Variants in CLNK observed in about 807,000 individuals in gnomAD.
The protein encoded by CLNK is cytokine-dependent hematopoietic cell linker.
A neutral mutation model predicts 68.6 loss-of-function variants in CLNK; 74 were observed. That is an observed-to-expected ratio of 1.08 (90% CI 0.89 to 1.31). The LOEUF (loss-of-function observed/expected upper bound fraction) is 1.31. CLNK is among the 50% of genes most tolerant of loss of function. The pLI is 0.00. For missense variants in CLNK, 553 were observed against 515.3 expected (o/e 1.07, Z -0.71); for synonymous variants, 198 against 172.2 (o/e 1.15, Z -1.17).
chr4:10,505,287 C>T (rs899263399), intron 17 of CLNK, among the ~76,000 whole-genome samples: 1 of 152,192 alleles, frequency 6.6e-6, no homozygotes. Flanking sequence ...ACTGTGAGGG[C>T]TACTAGAGTC....
chr4:10,616,581 A>G (rs1402077843), intron 2 of CLNK, among the ~76,000 whole-genome samples: 1 of 152,156 alleles, frequency 6.6e-6, no homozygotes, highest in Non-Finnish European at 1.5e-5. Context: ...TTAGAACTAT[A>G]CTAATTTGTC....
chr4:10,611,165 A>C (rs1722000789), intron 2 of CLNK, among the ~76,000 whole-genome samples: 1 of 152,330 alleles, frequency 6.6e-6, no homozygotes, highest in Admixed American at 6.5e-5. Context: ...TAAAAATACA[A>C]AAATTAGCTG....
the CLNK span, among the ~76,000 whole-genome samples, chr4:10,728,770 T>G: frequency 2.0e-5 from 3 of 151,964 alleles, no homozygotes; most frequent in African/African-American, 7.2e-5. Flanking sequence ...GTTTTTTTTG[T>G]ATTTTTAGTA....
At position 10,525,801 on chromosome 4, in the gene CLNK, C is replaced by A. The variant is rs745817024; in HGVS notation, c.731+40G>T. ...ATCTGAGACAGCACATGGCCTGACC[C>A]CTCAGCCTCAGACCTGAGAAAGGAT... On this transcript the variant is annotated intron_variant, in intron 14 of 18. Transcript: ENST00000226951. 9.1e-6 allele frequency: 11 copies of A among 1,207,374 alleles called. No individual in the cohort carries two copies. In the South Asian group the frequency reaches 1.3e-4, roughly 14 times the overall value. The allele number at this position is 1,207,374 out of a possible 1,614,324, so 74.8% of individuals were successfully genotyped here. A position where few individuals can be genotyped will look rare whatever the true frequency, so the allele number is the denominator to read the frequency against.
the CLNK span, among the ~76,000 whole-genome samples, chr4:10,700,940 G>C: frequency 2.0e-5 from 3 of 152,114 alleles, no homozygotes; most frequent in African/African-American, 7.2e-5. Context: ...TTAGTCAACT[G>C]TTTCACTGCT....
At chr4:10,640,129 T>A (rs572053828) in intron 2 of CLNK, among the ~76,000 whole-genome samples, 1 of 152,306 alleles carries the variant, frequency 6.6e-6, no homozygotes, top group African/African-American at 2.4e-5. Context: ...TTTAGGGCAT[T>A]GTTGCATGGA....
chr4:10,593,181 A>G (rs546513319), intron 3 of CLNK, among the ~76,000 whole-genome samples: 1 of 152,304 alleles, frequency 6.6e-6, no homozygotes, highest in East Asian at 1.9e-4. Context: ...CGCCTTCTGC[A>G]TGGTGAGGTG....
chr4:10,688,926 A>G (rs557812458), upstream of CLNK, among the ~76,000 whole-genome samples: 1 of 152,256 alleles, frequency 6.6e-6, no homozygotes, highest in East Asian at 1.9e-4. Flanking sequence ...GAAGAGTCCT[A>G]TGTAGCACCT....
intron 2 of CLNK, among the ~76,000 whole-genome samples, chr4:10,617,260 A>G (rs1292515736): frequency 6.6e-6 from 1 of 152,136 alleles, no homozygotes; most frequent in Non-Finnish European, 1.5e-5. Context: ...AATGTCTTCA[A>G]TATTTGTTTA....
At chr4:10,646,507 C>T (rs1284509041) in intron 2 of CLNK, among the ~76,000 whole-genome samples, 5 of 152,126 alleles carry the variant, frequency 3.3e-5, no homozygotes, top group South Asian at 2.1e-4. Flanking sequence ...GGAGCAGATG[C>T]GTCCAAGAAA....
intron 8 of CLNK, among the ~76,000 whole-genome samples, chr4:10,555,869 C>T (rs1012663982): frequency 2.0e-5 from 3 of 152,142 alleles, no homozygotes; most frequent in African/African-American, 7.2e-5. Flanking sequence ...ATATTAATTT[C>T]CCCCCTTCCA....
At chr4:10,727,250 A>G in the CLNK span, among the ~76,000 whole-genome samples, 1 of 152,330 alleles carries the variant, frequency 6.6e-6, no homozygotes. Flanking sequence ...CTTTCTGCCC[A>G]CTTAAGGACA....
At chr4:10,558,041 TATTA>T (rs1354187880) in intron 8 of CLNK, among the ~76,000 whole-genome samples, 2 of 152,240 alleles carry the variant, frequency 1.3e-5, no homozygotes, top group Non-Finnish European at 2.9e-5. Context: ...TCTGTTTTCA[TATTA>T]ATTAATCAAT....
At chr4:10,714,521 T>A in the CLNK span, among the ~76,000 whole-genome samples, 1 of 152,220 alleles carries the variant, frequency 6.6e-6, no homozygotes, top group African/African-American at 2.4e-5. Flanking sequence ...AGGTATATAG[T>A]GTTCAAATGG....
chr4:10,674,064 G>A (rs931657800), intron 1 of CLNK, among the ~76,000 whole-genome samples: 4 of 152,158 alleles, frequency 2.6e-5, no homozygotes, highest in African/African-American at 9.7e-5. Flanking sequence ...TTTGCTTGTG[G>A]AACCCGGAGT....
the CLNK span, among the ~76,000 whole-genome samples, chr4:10,691,001 T>C: frequency 1.3e-5 from 2 of 152,074 alleles, no homozygotes; most frequent in South Asian, 2.1e-4. Context: ...GGGAACTTTA[T>C]ATATGGAGGT....
chr4:10,519,234 G>A (rs1717962667), intron 15 of CLNK, among the ~76,000 whole-genome samples: 1 of 152,108 alleles, frequency 6.6e-6, no homozygotes, highest in Admixed American at 6.5e-5. Context: ...TACAGCCCTG[G>A]GGTGCTTGAC....
intron 17 of CLNK, among the ~76,000 whole-genome samples, chr4:10,506,360 C>T (rs887112): frequency 0.17 from 26,139 of 152,100 alleles, 4,120 homozygotes; most frequent in African/African-American, 0.42. Context: ...TAGAAGCACA[C>T]CAGTGAGATG....
chr4:10,542,504 C>T (rs895608502), intron 8 of CLNK, among the ~76,000 whole-genome samples: 6 of 151,966 alleles, frequency 3.9e-5, no homozygotes, highest in South Asian at 2.1e-4. Context: ...AACTGACACA[C>T]GGGGAAGTTA....
Sources: gnomAD v4.1 joint callset for allele counts (sites outside exome capture counted in the v4.1 genomes callset) on GRCh38, gnomAD v4.1.1 for gene constraint, MANE v1.5 for transcripts, NCBI Gene and HGNC (gene_info 2026-07-23, HGNC 2026-07-21) for gene names.